EED: variants seen among roughly 807,000 people sequenced by gnomAD.
EED encodes the protein embryonic ectoderm development, also known as polycomb protein EED.
In EED, 9 loss-of-function variants were observed where a neutral mutation model predicts 61.0. That is an observed-to-expected ratio of 0.15 (90% CI 0.09 to 0.26). EED has a LOEUF of 0.26. Among genes scored for constraint, EED ranks in the 10% least tolerant of loss-of-function variants. EED has a pLI of 1.00. For missense variants in EED, 315 were observed against 542.3 expected, an observed-to-expected ratio of 0.58 and a Z score of 4.16; for synonymous variants, 187 against 174.4, an observed-to-expected ratio of 1.07 and a Z score of -0.57.
At chr11:86,248,709 C>T (rs1276329097) in intron 1 of EED, among the ~76,000 whole-genome samples, 1 of 152,044 alleles carries the variant, frequency 6.6e-6, no homozygotes, top group Admixed American at 6.6e-5. Context: ...ACATGTCTAT[C>T]AGTTATTCAT....
At chr11:86,249,230 A>T (rs1945465217) in intron 1 of EED, among the ~76,000 whole-genome samples, 1 of 152,198 alleles carries the variant, frequency 6.6e-6, no homozygotes, top group African/African-American at 2.4e-5. Flanking sequence ...TTACAATTCA[A>T]ATATTTGTTG....
chr11:86,284,498 A>C, the EED span: 1 of 152,264 alleles, frequency 6.6e-6, no homozygotes, highest in African/African-American at 2.4e-5. Context: ...CTCCAACTCA[A>C]AAGTGGACAA....
chr11:86,283,748 T>C (rs956003305), downstream of EED, among the ~76,000 whole-genome samples: 18 of 151,210 alleles, frequency 1.2e-4, no homozygotes, highest in African/African-American at 4.1e-4. Flanking sequence ...CTGTAGAAAT[T>C]ACCAGAATGT....
In EED at chr11:86,255,203, G is replaced by C. The variant is rs760341445; in HGVS notation, c.361-19G>C. ...TTCTATACTTGAGATGAAATTTACT[G>C]TATTTTTATTTTCATTAGGTTACCT... On this transcript the variant is annotated intron_variant, in intron 3 of 11. Transcript: ENST00000263360. 2.5e-6 allele frequency: 4 copies of C among 1,585,640 alleles called. No homozygotes were observed. Among genetic ancestry groups the C allele is most frequent in the East Asian group, 2.2e-5 (1 of 44,578 alleles).
In EED at chr11:86,245,253, T is replaced by C. The variant is rs1945360963; in HGVS notation, c.24T>C (p.Thr8=). 6.2e-7 allele frequency: 1 copy of C among 1,613,164 alleles called. No homozygotes were observed. The highest frequency in any genetic ancestry group is 8.5e-7 in the Non-Finnish European group (1 of 1,179,854). MSEREVS[T]APAGTDMPAA... is the part of the protein sequence containing the mutation. The stretch of plus-strand genomic sequence containing the variant: ...ATATGTCCGAGAGGGAAGTGTCGAC[T>C]GCGCCGGCGGGAACAGACATGCCTG... Residue 8 remains threonine (T), a synonymous_variant, in exon 1 of 12, where the codon ACT becomes ACC. Coordinates refer to ENST00000263360, the MANE Select transcript of EED (RefSeq NM_003797.5).
downstream of EED, among the ~76,000 whole-genome samples, chr11:86,279,667 A>G (rs940028797): frequency 6.6e-6 from 1 of 152,248 alleles, no homozygotes; most frequent in African/African-American, 2.4e-5. Flanking sequence ...ACTTGTTTCT[A>G]TAAATATGTA....
At chr11:86,254,260 T>G (rs1413957142) in intron 3 of EED, among the ~76,000 whole-genome samples, 1 of 151,620 alleles carries the variant, frequency 6.6e-6, no homozygotes, top group Non-Finnish European at 1.5e-5. Context: ...AATATGTAAC[T>G]AATATGTAAA....
At position 86,264,280 on chromosome 11, in the gene EED, A is replaced by G; in HGVS notation, c.726+17A>G. ...CTAAGTGCTGTAAGTTGGAAACTGCAGGGCAATGACTTTCAGGTTTACATA... is the reference window on the plus strand; with the variant it reads ...CTAAGTGCTGTAAGTTGGAAACTGCGGGGCAATGACTTTCAGGTTTACATA... On this transcript the variant is annotated intron_variant, in intron 7 of 11. Coordinates refer to ENST00000263360, the MANE Select transcript of EED (RefSeq NM_003797.5). The G allele has an allele frequency of 6.3e-7, 1 of 1,587,090 alleles. No individual in the cohort carries two copies. The highest frequency in any genetic ancestry group is 8.7e-7 in the Non-Finnish European group (1 of 1,155,618).
downstream of EED, among the ~76,000 whole-genome samples, chr11:86,279,276 T>A (rs79276201): frequency 0.031 from 4,747 of 152,224 alleles, 239 homozygotes; most frequent in African/African-American, 0.11. Flanking sequence ...AGAGGAGATA[T>A]CATTAGGGCA....
intron 8 of EED, chr11:86,267,766 A>ATTTTTTTTTTTTTTTTTT (rs36185703): frequency 7.4e-5 from 8 of 108,740 alleles, no homozygotes; most frequent in African/African-American, 1.4e-4. Flanking sequence ...TGCCTGGCTA[A>ATTTTTTTTTTTTTTTTTT]TTTTTTTTTT....
chr11:86,247,441 G>A (rs925700445), intron 1 of EED, among the ~76,000 whole-genome samples: 1 of 152,160 alleles, frequency 6.6e-6, no homozygotes, highest in Non-Finnish European at 1.5e-5. Context: ...AGCACATTAA[G>A]TAACAAGATC....
In EED at chr11:86,252,120, C is replaced by G. The variant is rs774979830; in HGVS notation, c.268-28C>G. On this transcript the variant is annotated intron_variant, in intron 2 of 11. Coordinates refer to ENST00000263360, the MANE Select transcript of EED (RefSeq NM_003797.5). ...TTTCTGGTTTGTAAGATACATTAAT[C>G]TTTTCTTATTTCATGATTATTTTAT... 5 of 1,581,002 alleles carry G rather than the reference C, an allele frequency of 3.2e-6. No homozygotes were observed. The South Asian group carries it at 5.6e-5, about 18-fold the overall frequency.
downstream of EED, among the ~76,000 whole-genome samples, chr11:86,283,141 A>G (rs1946341910): frequency 6.6e-6 from 1 of 152,174 alleles, no homozygotes. Flanking sequence ...TATTAAAGCA[A>G]AACAAACAAA....
Position 86,278,752 on chromosome 11 carries a change from G to A in EED, c.*227G>A, listed in dbSNP as rs1946286715. 2.2e-6 allele frequency: 1 copy of A among 446,516 alleles called. No individual in the cohort carries two copies. The highest frequency in any genetic ancestry group is 6.6e-4 in the Middle Eastern group (1 of 1,520). The allele number at this position is 446,516 out of a possible 1,614,324, so 27.7% of individuals were successfully genotyped here. A position where few individuals can be genotyped will look rare whatever the true frequency, so the allele number is the denominator to read the frequency against. ...TTATTTTTGTAAAGCTGTGTGTTTAGTTACTTTCATTGTGGTGAAAAAAAG... is the reference window on the plus strand; with the variant it reads ...TTATTTTTGTAAAGCTGTGTGTTTAATTACTTTCATTGTGGTGAAAAAAAG... On this transcript the variant is annotated 3_prime_UTR_variant, in exon 12 of 12. Transcript: ENST00000263360.
chr11:86,245,670 A>G (rs1565685587), intron 1 of EED, among the ~76,000 whole-genome samples: 1 of 152,034 alleles, frequency 6.6e-6, no homozygotes, highest in Non-Finnish European at 1.5e-5. Flanking sequence ...CTAGTAGTTT[A>G]AAAGGCACGT....
At chr11:86,251,067 A>G (rs1945519529) in intron 2 of EED, among the ~76,000 whole-genome samples, 1 of 152,112 alleles carries the variant, frequency 6.6e-6, no homozygotes, top group Admixed American at 6.6e-5. Context: ...TTTGTTTTTT[A>G]AATGTGAGGC....
In EED at chr11:86,278,471, T is replaced by G; in HGVS notation, c.1272T>G (p.Ile424Met). The change falls in exon 12 of 12, where the codon ATT (isoleucine) becomes ATG (methionine). Residue 424 changes from isoleucine (I) to methionine (M), a missense_variant. By Grantham distance (10) the Ile-to-Met change is conservative. Transcript: ENST00000263360. The part of the protein sequence containing the change: ...RQTSFSRDSS[I>M]LIAVCDDASI... ...CCAGTTTTAGCAGGGATAGCAGCATTCTTATAGCTGTTTGTGATGATGCCA... is the reference window on the plus strand; with the variant it reads ...CCAGTTTTAGCAGGGATAGCAGCATGCTTATAGCTGTTTGTGATGATGCCA... The G allele has an allele frequency of 6.2e-7, 1 of 1,613,712 alleles. No homozygotes were observed.
At position 86,278,669 on chromosome 11, in the gene EED, A is replaced by G. The variant is rs1158079956; in HGVS notation, c.*144A>G. The G allele has an allele frequency of 2.9e-6, 3 of 1,048,468 alleles. No individual in the cohort carries two copies. Among genetic ancestry groups the G allele is most frequent in the Non-Finnish European group, 3.9e-6 (3 of 760,686 alleles). The allele number at this position is 1,048,468 out of a possible 1,614,324, so 64.9% of individuals were successfully genotyped here. A position where few individuals can be genotyped will look rare whatever the true frequency, so the allele number is the denominator to read the frequency against. Reference sequence around the variant, plus strand: ...CTGAGCTGAATGTAGTGATGTTTACATTGTTTACATTCTTTGTACTGTCTT... The same window carrying G: ...CTGAGCTGAATGTAGTGATGTTTACGTTGTTTACATTCTTTGTACTGTCTT... On this transcript the variant is annotated 3_prime_UTR_variant, in exon 12 of 12. Coordinates refer to ENST00000263360, the MANE Select transcript of EED (RefSeq NM_003797.5).
At chr11:86,278,043 G>A in intron 11 of EED, 52 bp downstream of exon 11, 1 of 1,470,376 alleles carries the variant, frequency 6.8e-7, no homozygotes, top group Non-Finnish European at 9.0e-7. Flanking sequence ...CTCCACACTT[G>A]TATGCCAATG....
Sources: gnomAD v4.1 joint callset for allele counts (sites outside exome capture counted in the v4.1 genomes callset) on GRCh38, gnomAD v4.1.1 for gene constraint, MANE v1.5 for transcripts, NCBI Gene and HGNC (gene_info 2026-07-23, HGNC 2026-07-21) for gene names.